Variants in TMIGD2 observed in about 807,000 individuals in gnomAD.
TMIGD2 encodes the protein transmembrane and immunoglobulin domain containing 2.
TMIGD2 carries 18 observed loss-of-function variants against 22.6 expected under a neutral mutation model. The observed-to-expected ratio is 0.80, with a 90% CI of 0.55 to 1.18. The LOEUF (loss-of-function observed/expected upper bound fraction) is 1.18, where lower values mean the gene tolerates loss of function less well. Ranked by LOEUF, TMIGD2 falls within the 50% of genes most tolerant of loss-of-function variation. The probability of loss-of-function intolerance (pLI) is 0.00; values close to 1 mark genes in which losing one functional copy is unlikely to be tolerated. For synonymous variants in TMIGD2, 184 were observed against 154.1 expected (o/e 1.19, Z -1.44); for missense variants, 361 against 378.2 (o/e 0.95, Z 0.38).
intron 1 of TMIGD2, among the ~76,000 whole-genome samples, chr19:4,301,862 G>A (rs1443342805): frequency 6.6e-6 from 1 of 152,180 alleles, no homozygotes. Flanking sequence ...TTTTAGCTGT[G>A]AGAAGTCTGA....
At chr19:4,292,998 C>A in intron 4 of TMIGD2, 113 bp from the exon 5 acceptor site, 2 of 1,481,304 alleles carry the variant, frequency 1.4e-6, no homozygotes, top group Non-Finnish European at 1.8e-6. Context: ...GAGTCTCACT[C>A]TGTCGCCCAG....
rs550577348 is a variant in TMIGD2, at chr19:4,300,599, T to C, written c.46+1741A>G. Among the ~76,000 whole-genome samples, 5 of 152,278 alleles carry C rather than the reference T, an allele frequency of 3.3e-5. No homozygotes were observed. In the South Asian group the frequency reaches 1.0e-3, roughly 32 times the overall value. On this transcript the variant is annotated intron_variant, in intron 1 of 4. Transcript: ENST00000301272. ...AAACATTCCTGGGCTCATGTGATCC[T>C]CCCACCTCAGCCTCCCAAATTACTG...
intron 4 of TMIGD2, 58 bp downstream of exon 4, chr19:4,294,521 G>T: frequency 6.5e-7 from 1 of 1,548,708 alleles, no homozygotes; most frequent in Non-Finnish European, 8.9e-7. Context: ...GTGGGTCTTT[G>T]TCAAGCAGCT....
At chr19:4,292,488 C>T (rs769816708) in exon 5 of TMIGD2, 12 of 1,142,674 alleles carry the variant, frequency 1.1e-5, no homozygotes, top group African/African-American at 4.6e-5. Context: ...CCACCCGCCT[C>T]GGCTTCCCAA....
intron 2 of TMIGD2, among the ~76,000 whole-genome samples, chr19:4,296,229 A>C (rs931990563): frequency 6.6e-6 from 1 of 152,180 alleles, no homozygotes; most frequent in African/African-American, 2.4e-5. Flanking sequence ...TATAGCAAGC[A>C]CTTTGGCTAT....
At chr19:4,300,954 C>A (rs1971528820) in intron 1 of TMIGD2, among the ~76,000 whole-genome samples, 1 of 146,754 alleles carries the variant, frequency 6.8e-6, no homozygotes, top group Admixed American at 7.0e-5. Flanking sequence ...AGAAATAGTC[C>A]AATTGAAGTT....
At chr19:4,301,104 C>T (rs1285292572) in intron 1 of TMIGD2, among the ~76,000 whole-genome samples, 4 of 152,094 alleles carry the variant, frequency 2.6e-5, no homozygotes, top group African/African-American at 9.7e-5. Flanking sequence ...TCTTGAGTAG[C>T]TGGGACTACA....
At chr19:4,294,840 CG>C in intron 2 of TMIGD2, 24 bp from the exon 3 acceptor site, 2 of 1,524,116 alleles carry the variant, frequency 1.3e-6, no homozygotes, top group Non-Finnish European at 1.8e-6. Context: ...ATCTATGTCA[CG>C]GGGGTGCCAG....
exon 5 of TMIGD2, chr19:4,292,686 G>T: frequency 6.2e-7 from 1 of 1,603,782 alleles, no homozygotes; most frequent in Non-Finnish European, 8.5e-7. Context: ...TAGAGACGGG[G>T]TGGCCGGGCC....
intron 4 of TMIGD2, among the ~76,000 whole-genome samples, chr19:4,294,145 G>A (rs2144730362): frequency 6.6e-6 from 1 of 150,902 alleles, no homozygotes; most frequent in African/African-American, 2.4e-5. Flanking sequence ...TTGGCTCACT[G>A]CAACCTCTGC....
At chr19:4,296,665 G>T (rs1053481897) in intron 2 of TMIGD2, among the ~76,000 whole-genome samples, 3 of 152,084 alleles carry the variant, frequency 2.0e-5, no homozygotes, top group Admixed American at 6.6e-5. Flanking sequence ...GGTGGGAAGA[G>T]GTGGGTAACA....
intron 1 of TMIGD2, 112 bp downstream of exon 1, chr19:4,302,228 C>A: frequency 8.5e-7 from 1 of 1,181,956 alleles, no homozygotes; most frequent in Non-Finnish European, 1.2e-6. Flanking sequence ...GGAGATGGGC[C>A]TTATCTGACA....
At chr19:4,299,442 C>T (rs1296644884) in intron 1 of TMIGD2, among the ~76,000 whole-genome samples, 3 of 151,234 alleles carry the variant, frequency 2.0e-5, no homozygotes, top group Admixed American at 1.3e-4. Flanking sequence ...CCACTGTGAC[C>T]GGCCTTTTTT....
intron 2 of TMIGD2, 104 bp downstream of exon 2, chr19:4,297,882 A>C: frequency 7.5e-7 from 1 of 1,337,478 alleles, no homozygotes; most frequent in Non-Finnish European, 9.9e-7. Flanking sequence ...AAAGTTTGAT[A>C]TGAAGAATTT....
chr19:4,296,962 G>C (rs553056733), intron 2 of TMIGD2, among the ~76,000 whole-genome samples: 1 of 152,096 alleles, frequency 6.6e-6, no homozygotes, highest in South Asian at 2.1e-4. Context: ...CATAACGCTA[G>C]ATATGTCTTG....
At chr19:4,297,466 C>T (rs528892385) in intron 2 of TMIGD2, among the ~76,000 whole-genome samples, 172 of 152,274 alleles carry the variant, frequency 1.1e-3, no homozygotes, top group Middle Eastern at 0.01. Flanking sequence ...AGCTCCTGGG[C>T]TCAGGTGATC....
At chr19:4,298,513 G>A (rs958510065) in intron 1 of TMIGD2, among the ~76,000 whole-genome samples, 168 bp from the exon 2 acceptor site, 4 of 152,188 alleles carry the variant, frequency 2.6e-5, no homozygotes, top group African/African-American at 9.7e-5. Context: ...GAGGTGGGAG[G>A]ATTGCTTGAG....
intron 1 of TMIGD2, among the ~76,000 whole-genome samples, chr19:4,299,111 A>G (rs1341779597): frequency 2.0e-5 from 3 of 152,090 alleles, no homozygotes; most frequent in Non-Finnish European, 4.4e-5. Flanking sequence ...CTTGAGAGTA[A>G]TCAGGGAAGG....
At chr19:4,298,860 G>A (rs758983881) in intron 1 of TMIGD2, among the ~76,000 whole-genome samples, 1 of 152,146 alleles carries the variant, frequency 6.6e-6, no homozygotes, top group African/African-American at 2.4e-5. Flanking sequence ...AGAGCTTGTG[G>A]AATTCTGAGA....
Sources: allele counts gnomAD v4.1 joint callset (sites outside exome capture counted in the v4.1 genomes callset), GRCh38; gene constraint gnomAD v4.1.1; transcripts MANE v1.5; gene names NCBI Gene and HGNC (gene_info 2026-07-23, HGNC 2026-07-21).